Variants in FGF14 observed in about 807,000 individuals in gnomAD.
FGF14 encodes the protein fibroblast growth factor homologous factor 4.
A neutral mutation model predicts 25.5 loss-of-function variants in FGF14; 5 were observed. The ratio of observed to expected loss-of-function variants is 0.20; its 90% CI spans 0.10 to 0.41. The LOEUF is 0.41. FGF14 is among the 10% of genes least tolerant of loss of function. The pLI is 1.00. For synonymous variants in FGF14, 138 were observed against 118.3 expected, an observed-to-expected ratio of 1.17 and a Z score of -1.08; for missense variants, 222 against 320.1, an observed-to-expected ratio of 0.69 and a Z score of 2.34.
intron 1 of FGF14, among the ~76,000 whole-genome samples, chr13:102,246,302 T>C (rs867097946): frequency 6.6e-6 from 1 of 152,222 alleles, no homozygotes; most frequent in Middle Eastern, 3.4e-3. Context: ...CATTATAATG[T>C]TAAGATTTTC....
At chr13:102,193,413 G>C (rs36114810) in intron 1 of FGF14, among the ~76,000 whole-genome samples, 2,002 of 152,282 alleles carry the variant, frequency 0.013, 20 homozygotes, top group Non-Finnish European at 0.021. Context: ...ACTTTGAAAA[G>C]CTCCAACATG....
rs1014848323 is a variant in FGF14, at chr13:101,719,161, A to C, written c.*3670T>G. 2 of 152,166 alleles carry C rather than the reference A, an allele frequency of 1.3e-5. No individual in the cohort carries two copies. Among genetic ancestry groups the C allele is most frequent in the African/African-American group, 4.8e-5 (2 of 41,450 alleles). 9.4% of individuals were successfully genotyped at this position (152,166 alleles called of 1,614,324 possible). ...AATATTAGGGAGATAATTTTAAATG[A>C]AGTGATACGTGTCTAACTTACTTAA... is the stretch of plus-strand genomic sequence containing the variant. On this transcript the variant is annotated 3_prime_UTR_variant, in exon 5 of 5. Transcript: ENST00000376143.
At chr13:102,380,522 C>T (rs1004418767) in intron 1 of FGF14, among the ~76,000 whole-genome samples, 2 of 152,122 alleles carry the variant, frequency 1.3e-5, no homozygotes, top group Non-Finnish European at 2.9e-5. Flanking sequence ...AGGAGAGGCT[C>T]TACCTACTTA....
intron 1 of FGF14, among the ~76,000 whole-genome samples, chr13:102,205,721 G>A (rs1425419011): frequency 2.1e-5 from 3 of 143,378 alleles, no homozygotes; most frequent in Non-Finnish European, 3.0e-5. Flanking sequence ...TCTCTCCCCC[G>A]AGAAAGGTTG....
At chr13:101,742,340 T>C (rs1164738957) in intron 3 of FGF14, among the ~76,000 whole-genome samples, 1 of 152,116 alleles carries the variant, frequency 6.6e-6, no homozygotes, top group African/African-American at 2.4e-5. Flanking sequence ...ATGAATGCTG[T>C]TACATTAAAG....
rs150371858 is a variant in FGF14 at position 101,891,002 on chromosome 13, G to A, written c.194-15706C>T. 4.8e-3 allele frequency among the ~76,000 whole-genome samples: 738 copies of A among 152,226 alleles called. 6 individuals carry two copies. The highest frequency in any genetic ancestry group is 8.1e-3 in the Non-Finnish European group (549 of 68,014). ...AAGGTAGGATCACCAAGATCCAGTG[G>A]ATGGTGGTTTCAGAACTGTTATCTG... On this transcript the variant is annotated intron_variant, in intron 1 of 4. Coordinates refer to ENST00000376143, the MANE Select transcript of FGF14 (RefSeq NM_004115.4).
chr13:102,051,237 C>T (rs1302334520), intron 1 of FGF14, among the ~76,000 whole-genome samples: 1 of 152,184 alleles, frequency 6.6e-6, no homozygotes, highest in Non-Finnish European at 1.5e-5. Flanking sequence ...AGGCCCCACC[C>T]CAACATTTAA....
intron 1 of FGF14, among the ~76,000 whole-genome samples, chr13:102,084,387 T>G (rs1297199236): frequency 1.3e-5 from 2 of 152,238 alleles, no homozygotes; most frequent in Non-Finnish European, 2.9e-5. Flanking sequence ...GGTAAATATT[T>G]GTTCAAAGAA....
intron 3 of FGF14, among the ~76,000 whole-genome samples, chr13:101,728,334 C>T (rs142439056): frequency 6.6e-6 from 1 of 152,050 alleles, no homozygotes; most frequent in African/African-American, 2.4e-5. Context: ...TTATGTAGAT[C>T]TTTATTTCTT....
intron 1 of FGF14, among the ~76,000 whole-genome samples, chr13:102,145,482 T>G (rs1348640433): frequency 2.6e-5 from 4 of 152,108 alleles, no homozygotes; most frequent in Non-Finnish European, 5.9e-5. Flanking sequence ...GAATTTCCCT[T>G]CCTCCAGGCT....
intron 1 of FGF14, among the ~76,000 whole-genome samples, chr13:102,060,708 G>A (rs1278067024): frequency 6.6e-6 from 1 of 152,184 alleles, no homozygotes; most frequent in African/African-American, 2.4e-5. Context: ...GGAGTTGGGG[G>A]AGCAGGGAAG....
At chr13:102,076,672 A>G (rs1229962026) in intron 1 of FGF14, among the ~76,000 whole-genome samples, 1 of 152,198 alleles carries the variant, frequency 6.6e-6, no homozygotes, top group Admixed American at 6.5e-5. Flanking sequence ...AAATAAATCC[A>G]TGAACATGGA....
chr13:102,317,032 AT>A (rs2056058922), intron 1 of FGF14, among the ~76,000 whole-genome samples: 1 of 152,008 alleles, frequency 6.6e-6, no homozygotes, highest in African/African-American at 2.4e-5. Context: ...TTTTCCATTC[AT>A]TAATTCATTT....
chr13:102,041,997 C>T lies in FGF14; in HGVS notation c.209-166701G>A, dbSNP rs537889276. Among the ~76,000 whole-genome samples the T allele has an allele frequency of 2.6e-5, 4 of 152,280 alleles. No homozygotes were observed. In the South Asian group the frequency reaches 6.2e-4, roughly 24 times the overall value. Reference sequence around the variant, plus strand: ...GCCAAAGTTCACTTAAAGGACTCATCTCACTATCCAACACAACAAAATGTT... The same window carrying T: ...GCCAAAGTTCACTTAAAGGACTCATTTCACTATCCAACACAACAAAATGTT... On this transcript the variant is annotated intron_variant, in intron 1 of 4. Transcript: ENST00000376131.
intron 1 of FGF14, among the ~76,000 whole-genome samples, chr13:102,121,218 CA>C (rs2045709974): frequency 6.6e-6 from 1 of 151,930 alleles, no homozygotes; most frequent in South Asian, 2.1e-4. Flanking sequence ...TCTCACTTCA[CA>C]AAGGAAAGCC....
intron 1 of FGF14, among the ~76,000 whole-genome samples, chr13:102,024,613 A>G (rs2040833155): frequency 6.6e-6 from 1 of 151,984 alleles, no homozygotes; most frequent in Non-Finnish European, 1.5e-5. Flanking sequence ...TTTTAATTTT[A>G]ATGAAGTTAA....
rs571108086 is a variant in FGF14 at position 102,109,206 on chromosome 13, T to C, written c.209-233910A>G. On this transcript the variant is annotated intron_variant, in intron 1 of 4. Coordinates refer to the FGF14 transcript ENST00000376131. ...TCAATTATAATTAAAGTTAAAATCATAAGATTTTCAGGAAAATCTCATGGA... is the reference window on the plus strand; with the variant it reads ...TCAATTATAATTAAAGTTAAAATCACAAGATTTTCAGGAAAATCTCATGGA... Among the ~76,000 whole-genome samples, 3 of 152,304 alleles carry C rather than the reference T, an allele frequency of 2.0e-5. No individual in the cohort carries two copies. In the South Asian group the frequency reaches 6.2e-4, roughly 32 times the overall value.
intron 1 of FGF14, among the ~76,000 whole-genome samples, chr13:102,345,296 G>A (rs2057071858): frequency 6.6e-6 from 1 of 152,146 alleles, no homozygotes; most frequent in South Asian, 2.1e-4. Context: ...GAAATAGCAA[G>A]CACATACATC....
At chr13:101,813,963 A>G (rs960248381) in intron 3 of FGF14, among the ~76,000 whole-genome samples, 2 of 152,226 alleles carry the variant, frequency 1.3e-5, no homozygotes, top group African/African-American at 2.4e-5. Flanking sequence ...AGGGCAAAGG[A>G]CCTAGTATTG....
Sources: gnomAD v4.1 joint callset for allele counts (sites outside exome capture counted in the v4.1 genomes callset) on GRCh38, gnomAD v4.1.1 for gene constraint, MANE v1.5 for transcripts, NCBI Gene and HGNC (gene_info 2026-07-23, HGNC 2026-07-21) for gene names.